The following ANKRD6 variants were observed in gnomAD, a reference collection of about 807,000 sequenced individuals.
The protein encoded by ANKRD6 is ankyrin repeat domain-containing protein 6.
In ANKRD6, 56 loss-of-function variants were observed where a neutral mutation model predicts 82.3. The observed-to-expected ratio is 0.68, with a 90% CI of 0.55 to 0.85. The LOEUF is 0.85. ANKRD6 is among the 40% of genes least tolerant of loss of function. The pLI, the probability that ANKRD6 is intolerant of heterozygous loss-of-function variation, is 0.00. For synonymous variants in ANKRD6, 347 were observed against 352.1 expected, an observed-to-expected ratio of 0.99 and a Z score of 0.16; for missense variants, 852 against 907.6, an observed-to-expected ratio of 0.94 and a Z score of 0.79.
chr6:89,499,899 C>T (rs747183116), intron 1 of ANKRD6, among the ~76,000 whole-genome samples: 2 of 152,034 alleles, frequency 1.3e-5, no homozygotes, highest in African/African-American at 2.4e-5. Context: ...AAACAGAAGA[C>T]AAATGCACTG....
intron 1 of ANKRD6, among the ~76,000 whole-genome samples, chr6:89,488,472 T>C (rs1777623843): frequency 6.6e-6 from 1 of 152,066 alleles, no homozygotes; most frequent in Non-Finnish European, 1.5e-5. Flanking sequence ...ACAAACCACA[T>C]GACAGTGCAA....
intron 1 of ANKRD6, among the ~76,000 whole-genome samples, chr6:89,516,667 G>A (rs546360433): frequency 4.6e-5 from 7 of 152,262 alleles, no homozygotes; most frequent in African/African-American, 1.7e-4. Context: ...AGTAGAGACG[G>A]GGTTTTGCCG....
intron 1 of ANKRD6, among the ~76,000 whole-genome samples, chr6:89,468,709 C>A (rs979029072): frequency 1.3e-5 from 2 of 151,856 alleles, no homozygotes; most frequent in Non-Finnish European, 2.9e-5. Flanking sequence ...CTGCGGATAG[C>A]CCTTTTCTAG....
intron 2 of ANKRD6, among the ~76,000 whole-genome samples, chr6:89,584,421 C>T (rs868365862): frequency 2.6e-5 from 4 of 152,152 alleles, no homozygotes; most frequent in African/African-American, 4.8e-5. Context: ...TCTTTTCTTT[C>T]TTTTAAGTTA....
intron 2 of ANKRD6, among the ~76,000 whole-genome samples, chr6:89,571,276 G>A (rs1789842685): frequency 2.6e-5 from 4 of 151,974 alleles, no homozygotes; most frequent in African/African-American, 7.3e-5. Flanking sequence ...GGGTGGTCTC[G>A]ATCTCCTGAC....
chr6:89,579,669 A>G (rs377433936), intron 2 of ANKRD6, among the ~76,000 whole-genome samples: 1 of 142,100 alleles, frequency 7.0e-6, no homozygotes, highest in Non-Finnish European at 1.5e-5. Context: ...AGGCAGGAGA[A>G]TTGCTTGAAC....
intron 1 of ANKRD6, among the ~76,000 whole-genome samples, chr6:89,548,662 G>T (rs1438672579): frequency 6.6e-6 from 1 of 152,218 alleles, no homozygotes; most frequent in Admixed American, 6.5e-5. Context: ...TTAAGGCAGT[G>T]CTGTAGAAGC....
Position 89,621,648 on chromosome 6 carries a change from G to A in ANKRD6, c.793-274G>A, listed in dbSNP as rs1008548819. On this transcript the variant is annotated intron_variant, in intron 9 of 15. Coordinates refer to ENST00000339746, the MANE Select transcript of ANKRD6 (RefSeq NM_001242809.2). The stretch of plus-strand genomic sequence containing the variant: ...CTCTGTGCATGTAGTTGGCAGTCCC[G>A]GCCCAGCATCAGTGTCTGTAGTTAT... 2.2e-5 allele frequency: 9 copies of A among 400,156 alleles called. 1 individual carries two copies. Among genetic ancestry groups the A allele is most frequent in the South Asian group, 7.7e-5 (3 of 38,992 alleles). The allele number at this position is 400,156 out of a possible 1,614,324, so 24.8% of individuals were successfully genotyped here.
At position 89,488,489 on chromosome 6, in the gene ANKRD6, G is replaced by A. The variant is rs544160815; in HGVS notation, c.-144+55114G>A. Among the ~76,000 whole-genome samples the A allele has an allele frequency of 5.9e-5, 9 of 152,218 alleles. 1 individual carries two copies. The highest frequency in any genetic ancestry group is 5.2e-4 in the Admixed American group (8 of 15,290). ...AAACCACATGACAGTGCAATTATGA[G>A]GGAGGCATCCAGCTGATCTCAAATA... On this transcript the variant is annotated intron_variant, in intron 1 of 15. Transcript: ENST00000339746.
At chr6:89,434,849 T>C (rs937646313) in intron 1 of ANKRD6, among the ~76,000 whole-genome samples, 2 of 152,098 alleles carry the variant, frequency 1.3e-5, no homozygotes, top group Non-Finnish European at 2.9e-5. Context: ...CAAATTAAAA[T>C]TGGGGAGTAT....
chr6:89,596,666 C>T (rs1008775433), intron 3 of ANKRD6, among the ~76,000 whole-genome samples: 1 of 152,140 alleles, frequency 6.6e-6, no homozygotes, highest in Non-Finnish European at 1.5e-5. Flanking sequence ...TGATTGGCTC[C>T]TCTGGCATCA....
intron 1 of ANKRD6, among the ~76,000 whole-genome samples, chr6:89,550,219 T>A (rs900908706): frequency 6.6e-6 from 1 of 152,078 alleles, no homozygotes; most frequent in Admixed American, 6.6e-5. Flanking sequence ...CCAAGAGACA[T>A]GCATATAAGA....
At chr6:89,447,286 C>T (rs1476465665) in intron 1 of ANKRD6, among the ~76,000 whole-genome samples, 1 of 152,092 alleles carries the variant, frequency 6.6e-6, no homozygotes, top group Non-Finnish European at 1.5e-5. Flanking sequence ...CTCCACTGTA[C>T]ACAGGAGTGA....
At chr6:89,570,063 A>ATGTGTGTGTGTGTG (rs10651458) in intron 2 of ANKRD6, among the ~76,000 whole-genome samples, 2,047 of 148,846 alleles carry the variant, frequency 0.014, 17 homozygotes, top group South Asian at 0.025. Context: ...ATGTGTGTAT[A>ATGTGTGTGTGTGTG]TGTGTGTGTG....
At chr6:89,551,209 G>A (rs181229671) in intron 1 of ANKRD6, among the ~76,000 whole-genome samples, 2 of 152,290 alleles carry the variant, frequency 1.3e-5, no homozygotes, top group Admixed American at 1.3e-4. Context: ...GGGAGGGACT[G>A]AGCTTGAGCC....
intron 5 of ANKRD6, among the ~76,000 whole-genome samples, chr6:89,608,368 C>CACACACACACACACACTATA: frequency 7.6e-6 from 1 of 130,748 alleles, no homozygotes; most frequent in African/African-American, 3.1e-5. Context: ...CACACACACA[C>CACACACACACACACACTATA]TATATATATA....
intron 13 of ANKRD6, 142 bp from the exon 14 acceptor site, chr6:89,627,441 A>G (rs371664002): frequency 1.1e-5 from 7 of 616,904 alleles, no homozygotes; most frequent in South Asian, 9.9e-5. Flanking sequence ...TGAGTCCTAC[A>G]TGCAAATGGA....
At chr6:89,464,969 GAC>G (rs1483891996) in intron 1 of ANKRD6, among the ~76,000 whole-genome samples, 2 of 152,136 alleles carry the variant, frequency 1.3e-5, no homozygotes, top group Non-Finnish European at 1.5e-5. Flanking sequence ...TACAAACAAA[GAC>G]ACAACCTGAA....
At chr6:89,619,807 G>A (rs186954178) in intron 9 of ANKRD6, 91 of 152,306 alleles carry the variant, frequency 6.0e-4, no homozygotes, top group Middle Eastern at 3.4e-3. Flanking sequence ...TAGGCCCGTA[G>A]TTGGACGTGG....
Sources: allele counts gnomAD v4.1 joint callset (sites outside exome capture counted in the v4.1 genomes callset), GRCh38; gene constraint gnomAD v4.1.1; transcripts MANE v1.5; gene names NCBI Gene and HGNC (gene_info 2026-07-23, HGNC 2026-07-21).